MAPKAPK5: variants seen among roughly 807,000 people sequenced by gnomAD.
MAPKAPK5 encodes the protein MAPK activated protein kinase 5, also known as MAP kinase-activated protein kinase 5.
In MAPKAPK5, 30 loss-of-function variants were observed where a neutral mutation model predicts 65.1. The observed-to-expected ratio is 0.46, with a 90% CI of 0.34 to 0.63. The LOEUF is 0.63. Among genes scored for constraint, MAPKAPK5 ranks in the 20% least tolerant of loss-of-function variants. MAPKAPK5 has a pLI of 0.01. For missense variants in MAPKAPK5, 433 were observed against 581.4 expected, an observed-to-expected ratio of 0.74 and a Z score of 2.63; for synonymous variants, 179 against 204.6, an observed-to-expected ratio of 0.87 and a Z score of 1.07.
intron 3 of MAPKAPK5, 67 bp downstream of exon 3, chr12:111,866,298 G>A: frequency 7.1e-7 from 1 of 1,414,622 alleles, no homozygotes; most frequent in South Asian, 1.3e-5. Flanking sequence ...TTGCAAGTAA[G>A]GCAGCTTCCT....
At chr12:111,872,554 G>A (rs1329803853) in intron 7 of MAPKAPK5, among the ~76,000 whole-genome samples, 3 of 152,106 alleles carry the variant, frequency 2.0e-5, no homozygotes, top group Non-Finnish European at 4.4e-5. Context: ...GTAACATATT[G>A]TCACAAACTT....
rs1233133250 is a variant in MAPKAPK5, at chr12:111,901,084, A to G, written c.*8023A>G. 8.8e-6 allele frequency: 4 copies of G among 456,110 alleles called. No individual in the cohort carries two copies. The East Asian group carries it at 2.1e-4, about 24-fold the overall frequency. The allele number at this position is 456,110 out of a possible 1,614,324, so 28.3% of individuals were successfully genotyped here. A position where few individuals can be genotyped will look rare whatever the true frequency, so the allele number is the denominator to read the frequency against. On this transcript the variant is annotated 3_prime_UTR_variant, in exon 14 of 14. Coordinates refer to ENST00000550735, the MANE Select transcript of MAPKAPK5 (RefSeq NM_003668.4). ...GGCTTACCAAAAATCAATCTCCAACATACAATGATTCAGGTCCCTCAGGGA... is the reference window on the plus strand; with the variant it reads ...GGCTTACCAAAAATCAATCTCCAACGTACAATGATTCAGGTCCCTCAGGGA...
chr12:111,873,811 C>A (rs1216863338), intron 7 of MAPKAPK5, among the ~76,000 whole-genome samples: 2 of 152,110 alleles, frequency 1.3e-5, no homozygotes, highest in Non-Finnish European at 2.9e-5. Context: ...ATTGTTTTGG[C>A]TATTCTAGAT....
In MAPKAPK5 at chr12:111,894,302, G is replaced by A. The variant is rs1379807083; in HGVS notation, c.*1241G>A. 6.6e-6 allele frequency: 1 copy of A among 152,402 alleles called. No individual in the cohort carries two copies. Among genetic ancestry groups the A allele is most frequent in the African/African-American group, 2.4e-5 (1 of 41,432 alleles). 9.4% of individuals were successfully genotyped at this position (152,402 alleles called of 1,614,324 possible). A position where few individuals can be genotyped will look rare whatever the true frequency, so the allele number is the denominator to read the frequency against. ...CCACCTCAGCCTCTCAAAGTACTGG[G>A]ATTACAGGCATGAGCCACCAAGCCT... On this transcript the variant is annotated 3_prime_UTR_variant, in exon 14 of 14. Transcript: ENST00000550735.
rs1321920768 is a variant in MAPKAPK5, at chr12:111,867,737, T to TTTTATGTGC, written c.284+70_284+78dup. The TTTTATGTGC allele has an allele frequency of 1.2e-5, 14 of 1,171,872 alleles. No homozygotes were observed. In the East Asian group the frequency reaches 3.4e-4, roughly 28 times the overall value. The allele number at this position is 1,171,872 out of a possible 1,614,324, so 72.6% of individuals were successfully genotyped here. A position where few individuals can be genotyped will look rare whatever the true frequency, so the allele number is the denominator to read the frequency against. On this transcript the variant is annotated intron_variant, in intron 4 of 13. Transcript: ENST00000550735. ...CAATGTGTAGTGGAGCTGTCCTCTCTTTTATGTGCTCCCTCCCCTTCCCTC... is the reference window on the plus strand; with the variant it reads ...CAATGTGTAGTGGAGCTGTCCTCTCTTTTATGTGCTTTATGTGCTCCCTCCCCTTCCCTC...
At chr12:111,865,213 A>C in intron 1 of MAPKAPK5, 37 bp from the exon 2 acceptor site, 4 of 1,339,046 alleles carry the variant, frequency 3.0e-6, no homozygotes, top group Non-Finnish European at 4.2e-6. Context: ...TAACTGAGGA[A>C]TCATTCTCTG....
At chr12:111,885,709 CT>C in intron 9 of MAPKAPK5, 1 of 538,728 alleles carries the variant, frequency 1.9e-6, no homozygotes, top group Non-Finnish European at 3.3e-6. Context: ...TTTAATCTCA[CT>C]TTTTCCAGTA....
At chr12:111,851,002 C>T (rs2069063994) in intron 1 of MAPKAPK5, among the ~76,000 whole-genome samples, 1 of 151,404 alleles carries the variant, frequency 6.6e-6, no homozygotes, top group South Asian at 2.1e-4. Context: ...GGGTTCACAC[C>T]ATTCTCCTGC....
At position 111,901,425 on chromosome 12, in the gene MAPKAPK5, A is replaced by C; in HGVS notation, c.*8364A>C. The C allele has an allele frequency of 2.2e-6, 1 of 456,108 alleles. No individual in the cohort carries two copies. The highest frequency in any genetic ancestry group is 4.4e-6 in the Non-Finnish European group (1 of 226,798). 28.3% of individuals were successfully genotyped at this position (456,108 alleles called of 1,614,324 possible). A position where few individuals can be genotyped will look rare whatever the true frequency, so the allele number is the denominator to read the frequency against. ...ACCTTCAGGAGAAGGTGAAAATCAC[A>C]ATATGACTCATTCCAGACGTGAAGA... On this transcript the variant is annotated 3_prime_UTR_variant, in exon 14 of 14. Transcript: ENST00000550735.
intron 7 of MAPKAPK5, among the ~76,000 whole-genome samples, chr12:111,876,025 G>A (rs1034946407): frequency 5.9e-5 from 9 of 151,776 alleles, no homozygotes; most frequent in African/African-American, 2.2e-4. Flanking sequence ...GGTGAACATG[G>A]TGAAACCCCG....
intron 1 of MAPKAPK5, among the ~76,000 whole-genome samples, chr12:111,857,389 G>C (rs1399103091): frequency 6.6e-6 from 1 of 151,978 alleles, no homozygotes; most frequent in Non-Finnish European, 1.5e-5. Context: ...ATACAGGTGT[G>C]TGCCACCATG....
At chr12:111,880,991 G>T (rs1435268051) in intron 8 of MAPKAPK5, among the ~76,000 whole-genome samples, 2 of 152,212 alleles carry the variant, frequency 1.3e-5, no homozygotes, top group African/African-American at 4.8e-5. Flanking sequence ...AAAACACCCA[G>T]CTTAGAACAG....
intron 10 of MAPKAPK5, among the ~76,000 whole-genome samples, chr12:111,887,217 T>C (rs774424727): frequency 5.3e-5 from 8 of 152,160 alleles, no homozygotes; most frequent in Non-Finnish European, 1.2e-4. Context: ...AGCTGGAGCA[T>C]GGAAGAAAAA....
intron 1 of MAPKAPK5, among the ~76,000 whole-genome samples, chr12:111,861,072 G>A (rs981649925): frequency 1.3e-5 from 2 of 151,486 alleles, no homozygotes; most frequent in Non-Finnish European, 2.9e-5. Flanking sequence ...GGCAGGAAAA[G>A]CTTGAACCCA....
intron 1 of MAPKAPK5, among the ~76,000 whole-genome samples, chr12:111,846,432 T>G (rs2068907260): frequency 6.6e-6 from 1 of 152,174 alleles, no homozygotes; most frequent in South Asian, 2.1e-4. Flanking sequence ...TAGTTACATA[T>G]GGTCAACTGC....
intron 8 of MAPKAPK5, among the ~76,000 whole-genome samples, chr12:111,881,378 G>GC (rs1158712014): frequency 7.9e-6 from 1 of 126,472 alleles, no homozygotes; most frequent in South Asian, 2.6e-4. Flanking sequence ...CCAGCCTGTA[G>GC]CCCACATATT....
chr12:111,866,348 AC>A (rs750592038), intron 3 of MAPKAPK5, 117 bp downstream of exon 3: 14 of 785,146 alleles, frequency 1.8e-5, no homozygotes, highest in Non-Finnish European at 2.4e-5. Context: ...TTATGTCCAA[AC>A]TTTACCTCTC....
At chr12:111,845,613 A>G (rs1313208771) in intron 1 of MAPKAPK5, among the ~76,000 whole-genome samples, 1 of 152,098 alleles carries the variant, frequency 6.6e-6, no homozygotes, top group Admixed American at 6.6e-5. Flanking sequence ...GAGCAGATAT[A>G]CCCAAATGTG....
rs115419410 is a variant in MAPKAPK5, at chr12:111,884,111, A to G, written c.848+343A>G. On this transcript the variant is annotated intron_variant, in intron 9 of 13. Transcript: ENST00000550735. Reference sequence around the variant, plus strand: ...TGGCATGTCATTTGGGACAGATACAATGCCAGGAGGTGAACTAGGTGCCGA... The same window carrying G: ...TGGCATGTCATTTGGGACAGATACAGTGCCAGGAGGTGAACTAGGTGCCGA... 5.9e-3 allele frequency among the ~76,000 whole-genome samples: 898 copies of G among 152,236 alleles called. 11 individuals carry two copies. Among genetic ancestry groups the G allele is most frequent in the African/African-American group, 0.02 (846 of 41,550 alleles).
Sources: gnomAD v4.1 joint callset for allele counts (sites outside exome capture counted in the v4.1 genomes callset) on GRCh38, gnomAD v4.1.1 for gene constraint, MANE v1.5 for transcripts, NCBI Gene and HGNC (gene_info 2026-07-23, HGNC 2026-07-21) for gene names.